Variants in AKAP6 observed in about 807,000 individuals in gnomAD.
AKAP6 encodes A-kinase anchor protein 6.
Under a neutral mutation model 188.5 loss-of-function variants are expected in AKAP6, and 58 were observed. That is an observed-to-expected ratio of 0.31 (90% CI 0.25 to 0.38). The LOEUF is 0.38. Ranked by LOEUF, AKAP6 falls within the 10% of genes least tolerant of loss-of-function variation. AKAP6 has a pLI of 1.00. For synonymous variants in AKAP6, 989 were observed against 998.6 expected (o/e 0.99, Z 0.18); for missense variants, 2,710 against 2,740.0 (o/e 0.99, Z 0.24).
At chr14:32,710,159 A>G (rs1890981855) in intron 9 of AKAP6, among the ~76,000 whole-genome samples, 2 of 150,492 alleles carry the variant, frequency 1.3e-5, no homozygotes, top group Admixed American at 6.7e-5. Context: ...CTTTAAAAAA[A>G]TTTAAAAAGA....
At chr14:32,664,670 C>T (rs1038742213) in intron 7 of AKAP6, among the ~76,000 whole-genome samples, 3 of 152,202 alleles carry the variant, frequency 2.0e-5, no homozygotes, top group Admixed American at 6.6e-5. Flanking sequence ...ATTCCGTTCA[C>T]GCTGTGTTCC....
At chr14:32,344,102 C>T (rs1886987690) in intron 1 of AKAP6, among the ~76,000 whole-genome samples, 1 of 152,182 alleles carries the variant, frequency 6.6e-6, no homozygotes, top group Non-Finnish European at 1.5e-5. Flanking sequence ...GCAGTTTGAC[C>T]TACTCTCCCT....
At chr14:32,811,996 A>G (rs752453080) in intron 12 of AKAP6, among the ~76,000 whole-genome samples, 8 of 152,204 alleles carry the variant, frequency 5.3e-5, no homozygotes, top group Non-Finnish European at 1.0e-4. Flanking sequence ...TAAAAAATGT[A>G]AGTTTTTATT....
chr14:32,546,919 A>G lies in AKAP6; in HGVS notation c.2266A>G (p.Thr756Ala), dbSNP rs1460851445. 1 of 1,613,432 alleles carries G rather than the reference A, an allele frequency of 6.2e-7. No homozygotes were observed. The highest frequency in any genetic ancestry group is 2.2e-5 in the East Asian group (1 of 44,884). The part of the protein sequence containing the change: ...SSEKNESHSA[T>A]KSALIQKLMQ... ...TGAGAAAAATGAGAGCCATTCTGCCACTAAATCAGCTTTAATTCAGAAACT... is the reference window on the plus strand; with the variant it reads ...TGAGAAAAATGAGAGCCATTCTGCCGCTAAATCAGCTTTAATTCAGAAACT... The change falls in exon 4 of 14, where the codon ACT becomes GCT. Residue 756 changes from threonine (T) to alanine (A), a missense_variant. Physicochemically the swap from Thr to Ala is moderately conservative, Grantham distance 58 (BLOSUM62 0). Transcript: ENST00000280979.
intron 2 of AKAP6, among the ~76,000 whole-genome samples, chr14:32,466,961 A>G (rs192427759): frequency 6.6e-6 from 1 of 150,828 alleles, no homozygotes; most frequent in Non-Finnish European, 1.5e-5. Flanking sequence ...ATTAATTTTT[A>G]TGGAAGTATA....
chr14:32,450,318 G>T lies in AKAP6; in HGVS notation c.324+16501G>T, dbSNP rs1594625823. On this transcript the variant is annotated intron_variant, in intron 2 of 13. Transcript: ENST00000280979. ...TGGTAGGGTGAGCTGGGATGTGTGT[G>T]TGTGTGAGAGAGAGAGAGAGAGAGG... 2.6e-5 allele frequency among the ~76,000 whole-genome samples: 4 copies of T among 152,154 alleles called. No homozygotes were observed. In the East Asian group the frequency reaches 5.8e-4, roughly 22 times the overall value.
At chr14:32,515,235 T>G (rs1253331049) in intron 2 of AKAP6, among the ~76,000 whole-genome samples, 1 of 152,132 alleles carries the variant, frequency 6.6e-6, no homozygotes, top group Non-Finnish European at 1.5e-5. Flanking sequence ...CTCATAAGAC[T>G]TATTCACTAC....
At chr14:32,680,830 G>C (rs1180541981) in intron 8 of AKAP6, among the ~76,000 whole-genome samples, 6 of 152,168 alleles carry the variant, frequency 3.9e-5, no homozygotes, top group Non-Finnish European at 7.3e-5. Flanking sequence ...AGCTTATATA[G>C]TATACAACTA....
Position 32,545,704 on chromosome 14 carries a change from T to C in AKAP6, c.1051T>C (p.Ser351Pro). 1 of 1,614,126 alleles carries C rather than the reference T, an allele frequency of 6.2e-7. No individual in the cohort carries two copies. The highest frequency in any genetic ancestry group is 8.5e-7 in the Non-Finnish European group (1 of 1,180,006). Residue 351 changes from serine (S) to proline (P), a missense_variant, in exon 4 of 14, where the codon TCC (serine) becomes CCC (proline). Coordinates refer to ENST00000280979, the MANE Select transcript of AKAP6 (RefSeq NM_004274.5). ...SETVQQESSSSSHHDAKNQQP... is the reference protein window; with the variant it reads ...SETVQQESSSPSHHDAKNQQP... Reference sequence around the variant, plus strand: ...GACTGTGCAGCAAGAATCCAGTTCCTCCTCCCATCATGATGCAAAGAATCA... The same window carrying C: ...GACTGTGCAGCAAGAATCCAGTTCCCCCTCCCATCATGATGCAAAGAATCA...
At chr14:32,625,506 T>C (rs1886984200) in intron 7 of AKAP6, among the ~76,000 whole-genome samples, 1 of 152,148 alleles carries the variant, frequency 6.6e-6, no homozygotes, top group African/African-American at 2.4e-5. Flanking sequence ...GTCTAAATTA[T>C]TCTATCTGGG....
intron 7 of AKAP6, among the ~76,000 whole-genome samples, chr14:32,677,520 G>A (rs1386132185): frequency 6.6e-6 from 1 of 152,122 alleles, no homozygotes; most frequent in Non-Finnish European, 1.5e-5. Flanking sequence ...CCTTTACTAT[G>A]GCCAAGCATG....
chr14:32,352,526 T>G (rs1887323783), intron 1 of AKAP6, among the ~76,000 whole-genome samples: 1 of 152,166 alleles, frequency 6.6e-6, no homozygotes, highest in Non-Finnish European at 1.5e-5. Flanking sequence ...AACTGTGATT[T>G]TATACCCCTT....
At chr14:32,737,733 A>G (rs2031493509) in intron 11 of AKAP6, among the ~76,000 whole-genome samples, 1 of 152,178 alleles carries the variant, frequency 6.6e-6, no homozygotes, top group Admixed American at 6.6e-5. Context: ...GCCTTTTAAC[A>G]TAACTGAAGT....
At chr14:32,387,928 G>C (rs922024824) in intron 1 of AKAP6, among the ~76,000 whole-genome samples, 1 of 151,882 alleles carries the variant, frequency 6.6e-6, no homozygotes, top group Non-Finnish European at 1.5e-5. Flanking sequence ...ATTGGTACCA[G>C]TTCTTCTTTG....
At chr14:32,382,948 C>T (rs1888415800) in intron 1 of AKAP6, among the ~76,000 whole-genome samples, 1 of 152,068 alleles carries the variant, frequency 6.6e-6, no homozygotes, top group Admixed American at 6.6e-5. Context: ...GCCTTACCCT[C>T]TGGACACTAG....
chr14:32,795,073 G>A (rs1490247386), intron 12 of AKAP6, among the ~76,000 whole-genome samples: 2 of 152,172 alleles, frequency 1.3e-5, no homozygotes, highest in East Asian at 1.9e-4. Context: ...ACCCTCACAA[G>A]ACTGAACCAG....
intron 1 of AKAP6, among the ~76,000 whole-genome samples, chr14:32,337,032 T>C (rs1267921060): frequency 6.6e-6 from 1 of 152,198 alleles, no homozygotes; most frequent in Admixed American, 6.5e-5. Flanking sequence ...TTCCTTGTAT[T>C]TAATCTGTTT....
chr14:32,610,567 C>A (rs1353865418), intron 7 of AKAP6, among the ~76,000 whole-genome samples: 1 of 152,054 alleles, frequency 6.6e-6, no homozygotes, highest in Admixed American at 6.6e-5. Flanking sequence ...GCAGACTGTG[C>A]GATGAATACA....
At chr14:32,475,284 GTTA>G (rs907660168) in intron 2 of AKAP6, among the ~76,000 whole-genome samples, 2 of 152,130 alleles carry the variant, frequency 1.3e-5, no homozygotes, top group Non-Finnish European at 2.9e-5. Flanking sequence ...ACCCACAGTT[GTTA>G]TTATAATAAT....
Sources: allele counts gnomAD v4.1 joint callset (sites outside exome capture counted in the v4.1 genomes callset), GRCh38; gene constraint gnomAD v4.1.1; transcripts MANE v1.5; gene names NCBI Gene and HGNC (gene_info 2026-07-23, HGNC 2026-07-21).